The following GPATCH1 variants were observed in gnomAD, a reference collection of about 807,000 sequenced individuals.
GPATCH1 encodes the protein G patch domain-containing protein 1.
Under a neutral mutation model 114.9 loss-of-function variants are expected in GPATCH1, and 73 were observed. The observed-to-expected ratio is 0.64, with a 90% CI of 0.53 to 0.77. The LOEUF (loss-of-function observed/expected upper bound fraction) is 0.77, where lower values mean the gene tolerates loss of function less well. Among genes scored for constraint, GPATCH1 ranks in the 30% least tolerant of loss-of-function variants. GPATCH1 has a pLI of 0.00. For missense variants in GPATCH1, 1,058 were observed against 1,144.3 expected (o/e 0.92, Z 1.09); for synonymous variants, 391 against 428.4 (o/e 0.91, Z 1.08).
intron 19 of GPATCH1, among the ~76,000 whole-genome samples, chr19:33,127,314 C>T (rs1973052908): frequency 1.3e-5 from 2 of 151,736 alleles, no homozygotes; most frequent in Admixed American, 6.6e-5. Context: ...GTCAGGAGCT[C>T]GAGACCATCC....
chr19:33,106,389 T>A (rs1599859246), intron 9 of GPATCH1, among the ~76,000 whole-genome samples: 1 of 152,310 alleles, frequency 6.6e-6, no homozygotes, highest in South Asian at 2.1e-4. Flanking sequence ...CCCTGACATT[T>A]ATGATCTATT....
At chr19:33,097,549 G>A (rs1279276602) in intron 7 of GPATCH1, among the ~76,000 whole-genome samples, 2 of 152,204 alleles carry the variant, frequency 1.3e-5, no homozygotes, top group Admixed American at 6.5e-5. Flanking sequence ...AGTGTTGGCA[G>A]TAGGGACATG....
chr19:33,111,657 G>A, intron 11 of GPATCH1, 67 bp from the exon 12 acceptor site: 2 of 1,404,076 alleles, frequency 1.4e-6, no homozygotes, highest in Non-Finnish European at 2.0e-6. Context: ...GTGCCCAGCA[G>A]ATGTTCTCTT....
Position 33,111,739 on chromosome 19 carries a change from G to C in GPATCH1, c.1601G>C (p.Cys534Ser), listed in dbSNP as rs1972856384. Residue 534 changes from cysteine to serine, a missense_variant, in exon 12 of 20, where the codon TGT (cysteine) becomes TCT (serine). Around this residue, in one of 3 missense-constraint regions of GPATCH1, gnomAD observed 893 missense variants for 977.4 expected, o/e 0.91. Coordinates refer to ENST00000170564, the MANE Select transcript of GPATCH1 (RefSeq NM_018025.3). ...GCCCCCGCAGATGCTCTGGAACGCT[G>C]TCTGGACCCCAGCATGACAGAGTGG... ...KQGQKDALERCLDPSMTEWER... is the reference protein window; with the variant it reads ...KQGQKDALERSLDPSMTEWER... 6.2e-7 allele frequency: 1 copy of C among 1,614,086 alleles called. No individual in the cohort carries two copies. Among genetic ancestry groups the C allele is most frequent in the Non-Finnish European group, 8.5e-7 (1 of 1,180,028 alleles).
At chr19:33,097,041 G>C (rs1013078982) in intron 7 of GPATCH1, among the ~76,000 whole-genome samples, 2 of 151,758 alleles carry the variant, frequency 1.3e-5, no homozygotes, top group African/African-American at 4.8e-5. Context: ...CACCTCCCGG[G>C]TTGAAGCGAT....
At chr19:33,100,017 C>T (rs568260207) in intron 8 of GPATCH1, among the ~76,000 whole-genome samples, 2 of 151,994 alleles carry the variant, frequency 1.3e-5, no homozygotes, top group East Asian at 3.9e-4. Context: ...GTGATCCGCC[C>T]GCCTCGGCCT....
chr19:33,087,630 A>G (rs916101778), intron 1 of GPATCH1, among the ~76,000 whole-genome samples: 1 of 151,246 alleles, frequency 6.6e-6, no homozygotes, highest in Admixed American at 6.6e-5. Flanking sequence ...TGCGCCCTTC[A>G]TTTGAAGCCA....
In GPATCH1 at chr19:33,097,759, T is replaced by C; in HGVS notation, c.857T>C (p.Phe286Ser). 1 of 1,613,954 alleles carries C rather than the reference T, an allele frequency of 6.2e-7. No individual in the cohort carries two copies. The highest frequency in any genetic ancestry group is 2.2e-5 in the East Asian group (1 of 44,888). ...GRKLGISGQA[F>S]GVGALEEEDD... ...TGAAACCTTGTTTTTTTAAAGGCTT[T>C]TGGTGTAGGTGCCCTGGAAGAGGAA... Residue 286 changes from phenylalanine to serine, a missense_variant, in exon 8 of 20, where the codon TTT (phenylalanine) becomes TCT (serine). This residue lies in a region of GPATCH1 where 893 missense variants were observed against 977.4 expected (regional missense o/e 0.91). Transcript: ENST00000170564.
In GPATCH1 at chr19:33,106,168, AT is replaced by A. The variant is rs77836812; in HGVS notation, c.1081-517del. The stretch of plus-strand genomic sequence containing the variant: ...CCGGCCCCAACTATTATTTAAAAAA[AT>A]TTTTTTTTTAGTTTTATAGAGATGG... On this transcript the variant is annotated intron_variant, in intron 9 of 19. Transcript: ENST00000170564. 5.7e-3 allele frequency among the ~76,000 whole-genome samples: 864 copies of A among 150,400 alleles called. 7 individuals carry two copies. Among genetic ancestry groups the A allele is most frequent in the African/African-American group, 0.018 (722 of 41,038 alleles).
At chr19:33,086,535 G>A (rs1406447734) in intron 1 of GPATCH1, among the ~76,000 whole-genome samples, 1 of 151,932 alleles carries the variant, frequency 6.6e-6, no homozygotes, top group Non-Finnish European at 1.5e-5. Context: ...GCATGATCTT[G>A]GCTCACTGCA....
At chr19:33,098,550 G>T (rs1277808958) in intron 8 of GPATCH1, among the ~76,000 whole-genome samples, 1 of 152,176 alleles carries the variant, frequency 6.6e-6, no homozygotes, top group Admixed American at 6.5e-5. Context: ...TTTGGAGTCA[G>T]TCAGACCTGG....
intron 10 of GPATCH1, among the ~76,000 whole-genome samples, chr19:33,107,974 A>G (rs1168600790): frequency 6.6e-6 from 1 of 151,836 alleles, no homozygotes; most frequent in African/African-American, 2.4e-5. Flanking sequence ...TACATAAGGT[A>G]TATCTCCTAA....
rs1315222880 is a variant in GPATCH1, at chr19:33,126,592, AG to A, written c.2625del (p.Lys876AsnfsTer45). ...KEHRRKKEKK[K>X]KHRKHKHKGK... Reference sequence around the variant, plus strand: ...ACCACTATTTGTTTTTTACAGAAAAAGAAACACAGGAAGCACAAACACAAAG... The same window carrying A: ...ACCACTATTTGTTTTTTACAGAAAAAAAACACAGGAAGCACAAACACAAAG... On this transcript the variant is annotated frameshift_variant, in exon 19 of 20. Coordinates refer to ENST00000170564, the MANE Select transcript of GPATCH1 (RefSeq NM_018025.3). LOFTEE classifies it high-confidence loss of function. The A allele has an allele frequency of 1.2e-6, 2 of 1,611,376 alleles. No individual in the cohort carries two copies. Among genetic ancestry groups the A allele is most frequent in the Non-Finnish European group, 1.7e-6 (2 of 1,179,288 alleles).
chr19:33,110,025 T>C lies in GPATCH1; in HGVS notation c.1585+9T>C, dbSNP rs200936161. ...GAAACAGGGTCAGAAAGGTGGGTGC[T>C]GGGCCTGGGTGTCCCAAATCTCGGC... On this transcript the variant is annotated intron_variant, in intron 11 of 19. Coordinates refer to ENST00000170564, the MANE Select transcript of GPATCH1 (RefSeq NM_018025.3). 1.2e-5 allele frequency: 19 copies of C among 1,586,112 alleles called. No individual in the cohort carries two copies. In the East Asian group the frequency reaches 3.4e-4, roughly 28 times the overall value.
chr19:33,121,626 C>A (rs1208464136), intron 17 of GPATCH1, among the ~76,000 whole-genome samples: 1 of 152,046 alleles, frequency 6.6e-6, no homozygotes, highest in Non-Finnish European at 1.5e-5. Context: ...GCCGCCAAGT[C>A]TCCTTTTTAC....
intron 17 of GPATCH1, among the ~76,000 whole-genome samples, chr19:33,123,200 G>A (rs1028093357): frequency 2.0e-5 from 3 of 151,436 alleles, no homozygotes; most frequent in Non-Finnish European, 4.4e-5. Flanking sequence ...TGGGAGTTTG[G>A]GACCAGCCTG....
At chr19:33,090,742 C>T in intron 2 of GPATCH1, 38 bp from the exon 3 acceptor site, 1 of 1,334,006 alleles carries the variant, frequency 7.5e-7, no homozygotes, top group Non-Finnish European at 1.1e-6. Context: ...CCCAAATACT[C>T]TCTAGGATTG....
chr19:33,081,572 C>T (rs530758033), intron 1 of GPATCH1, among the ~76,000 whole-genome samples: 1 of 152,030 alleles, frequency 6.6e-6, no homozygotes, highest in East Asian at 1.9e-4. Context: ...CGAGAGAGGA[C>T]GTTTGAGCTC....
At chr19:33,098,407 C>T (rs577100996) in intron 8 of GPATCH1, among the ~76,000 whole-genome samples, 7 of 152,306 alleles carry the variant, frequency 4.6e-5, no homozygotes, top group Admixed American at 1.3e-4. Flanking sequence ...TGACATCTCT[C>T]AACACAACTT....
Sources: gnomAD v4.1 joint callset for allele counts (sites outside exome capture counted in the v4.1 genomes callset) on GRCh38, gnomAD v4.1.1 for gene constraint, gnomAD v4.1.1 regional missense constraint, MANE v1.5 for transcripts, NCBI Gene and HGNC (gene_info 2026-07-23, HGNC 2026-07-21) for gene names.